The following AGMO variants were observed in gnomAD, a reference collection of about 807,000 sequenced individuals.
The protein encoded by AGMO is glyceryl-ether monooxygenase.
In AGMO, 75 loss-of-function variants were observed where a neutral mutation model predicts 60.2. That is an observed-to-expected ratio of 1.25 (90% CI 1.03 to 1.51). The LOEUF is 1.51. Among genes scored for constraint, AGMO ranks in the 40% most tolerant of loss-of-function variants. The pLI is 0.00. For missense variants in AGMO, 763 were observed against 525.5 expected (o/e 1.45, Z -4.42); for synonymous variants, 261 against 177.1 (o/e 1.47, Z -3.76).
chr7:15,451,207 A>G (rs1463470158), intron 3 of AGMO, among the ~76,000 whole-genome samples: 1 of 152,192 alleles, frequency 6.6e-6, no homozygotes, highest in Non-Finnish European at 1.5e-5. Flanking sequence ...CATATTTGTC[A>G]GTGGAAATGA....
chr7:15,291,005 A>AC (rs1784249247), intron 12 of AGMO, among the ~76,000 whole-genome samples: 4 of 152,110 alleles, frequency 2.6e-5, no homozygotes, highest in South Asian at 4.1e-4. Context: ...TCGAAAGTGC[A>AC]TTTTATTCAT....
chr7:15,427,372 A>T (rs966371302), intron 4 of AGMO, among the ~76,000 whole-genome samples: 13 of 152,134 alleles, frequency 8.5e-5, no homozygotes, highest in Non-Finnish European at 1.9e-4. Context: ...GCTTTCCCCT[A>T]TTGCTAACAC....
rs114822043 is a variant in AGMO at position 15,231,101 on chromosome 7, G to C, written c.1264-29742C>G. On this transcript the variant is annotated intron_variant, in intron 12 of 12. Coordinates refer to ENST00000342526, the MANE Select transcript of AGMO (RefSeq NM_001004320.2). The stretch of plus-strand genomic sequence containing the variant: ...AGTTCAAGTTCATTTTCAATTTAGA[G>C]CTTCATCAGAAGAGTTTTCTGGAGT... Among the ~76,000 whole-genome samples the C allele has an allele frequency of 3.0e-3, 454 of 152,232 alleles. 3 individuals carry two copies. Among genetic ancestry groups the C allele is most frequent in the African/African-American group, 0.01 (435 of 41,542 alleles).
chr7:15,343,195 T>G (rs1781921044), intron 12 of AGMO, among the ~76,000 whole-genome samples: 1 of 152,158 alleles, frequency 6.6e-6, no homozygotes, highest in Non-Finnish European at 1.5e-5. Context: ...CTCGCCACTG[T>G]AAAATGATCA....
At chr7:15,298,337 A>G (rs1784463227) in intron 12 of AGMO, among the ~76,000 whole-genome samples, 1 of 151,000 alleles carries the variant, frequency 6.6e-6, no homozygotes, top group Admixed American at 6.6e-5. Flanking sequence ...CATTCAACCA[A>G]TGTGATCAAC....
At chr7:15,553,009 A>G (rs1025119065) in intron 2 of AGMO, among the ~76,000 whole-genome samples, 132 of 152,122 alleles carry the variant, frequency 8.7e-4, no homozygotes, top group East Asian at 5.8e-3. Flanking sequence ...TGATGAGTTC[A>G]TGTCCTTTGT....
At chr7:15,296,614 C>T (rs1217085700) in intron 12 of AGMO, among the ~76,000 whole-genome samples, 3 of 152,112 alleles carry the variant, frequency 2.0e-5, no homozygotes, top group Non-Finnish European at 4.4e-5. Flanking sequence ...GTATAAATAA[C>T]ATTTGTAATA....
Position 15,202,458 on chromosome 7 carries a change from C to CAAAAAAAAAAAAAAAAAAAAAAAAAAAA in AGMO, c.1264-1127_1264-1100dup, listed in dbSNP as rs71004370. On this transcript the variant is annotated intron_variant, in intron 12 of 12. Coordinates refer to ENST00000342526, the MANE Select transcript of AGMO (RefSeq NM_001004320.2). ...CACCAACAACCAAAATACAAATGAG[C>CAAAAAAAAAAAAAAAAAAAAAAAAAAAA]AAAAAAAAAAAAAAAAAAAAAAAAA... Among the ~76,000 whole-genome samples, 29 of 45,366 alleles carry CAAAAAAAAAAAAAAAAAAAAAAAAAAAA rather than the reference C, an allele frequency of 6.4e-4. 4 individuals are homozygous for CAAAAAAAAAAAAAAAAAAAAAAAAAAAA. The highest frequency in any genetic ancestry group is 2.2e-3 in the East Asian group (2 of 914). The allele number at this position is 45,366 out of a possible 152,430, so 29.8% of individuals were successfully genotyped here. A position where few individuals can be genotyped will look rare whatever the true frequency, so the allele number is the denominator to read the frequency against.
the AGMO span, among the ~76,000 whole-genome samples, chr7:15,122,339 A>G: frequency 6.6e-6 from 1 of 152,106 alleles, no homozygotes; most frequent in Non-Finnish European, 1.5e-5. Context: ...ATGCTCATTC[A>G]TTGTTCCTGT....
chr7:15,281,094 T>G lies in AGMO; in HGVS notation c.1264-79735A>C, dbSNP rs114688193. On this transcript the variant is annotated intron_variant, in intron 12 of 12. Coordinates refer to ENST00000342526, the MANE Select transcript of AGMO (RefSeq NM_001004320.2). ...GGGGAAGGGGGAATGCAACACATCA[T>G]GGGAACACCCCATGGGACAAAAGAA... is the stretch of plus-strand genomic sequence containing the variant. 4.0e-3 allele frequency among the ~76,000 whole-genome samples: 615 copies of G among 152,158 alleles called. 2 individuals carry two copies. The highest frequency in any genetic ancestry group is 0.014 in the African/African-American group (587 of 41,496).
chr7:15,518,792 A>G (rs2196393), intron 3 of AGMO, among the ~76,000 whole-genome samples: 124,543 of 151,814 alleles, frequency 0.82, 51,390 homozygotes, highest in East Asian at 0.97. Context: ...GCCAGCAAGG[A>G]AACAAAACTG....
At chr7:15,388,206 G>A (rs1784002413) in intron 8 of AGMO, among the ~76,000 whole-genome samples, 2 of 152,128 alleles carry the variant, frequency 1.3e-5, no homozygotes, top group Admixed American at 1.3e-4. Context: ...ATGACAATAA[G>A]GAATCTGAAG....
At chr7:15,335,968 T>A (rs1781646458) in intron 12 of AGMO, among the ~76,000 whole-genome samples, 1 of 152,154 alleles carries the variant, frequency 6.6e-6, no homozygotes, top group Non-Finnish European at 1.5e-5. Flanking sequence ...ATCTCCATCA[T>A]GAGAAACACA....
intron 4 of AGMO, among the ~76,000 whole-genome samples, chr7:15,424,994 A>G (rs1374979556): frequency 1.3e-5 from 2 of 152,210 alleles, no homozygotes; most frequent in African/African-American, 4.8e-5. Flanking sequence ...AAAAGATCTG[A>G]GATTTCACTA....
At chr7:15,129,053 G>A in the AGMO span, among the ~76,000 whole-genome samples, 1 of 152,082 alleles carries the variant, frequency 6.6e-6, no homozygotes. Flanking sequence ...CATCCTATGT[G>A]ATTAGTTGGG....
At position 15,329,034 on chromosome 7, in the gene AGMO, C is replaced by T. The variant is rs546915101; in HGVS notation, c.1263+36480G>A. 9.9e-5 allele frequency among the ~76,000 whole-genome samples: 15 copies of T among 152,282 alleles called. No individual in the cohort carries two copies. In the South Asian group the frequency reaches 1.0e-3, roughly 11 times the overall value. ...GCCAAGAGTTCATAGAAAACACATACATCCTTCACTATCCTTCCTCCCCTG... is the reference window on the plus strand; with the variant it reads ...GCCAAGAGTTCATAGAAAACACATATATCCTTCACTATCCTTCCTCCCCTG... On this transcript the variant is annotated intron_variant, in intron 12 of 12. Coordinates refer to ENST00000342526, the MANE Select transcript of AGMO (RefSeq NM_001004320.2).
At chr7:15,203,176 C>A (rs1228228768) in intron 12 of AGMO, among the ~76,000 whole-genome samples, 1 of 152,060 alleles carries the variant, frequency 6.6e-6, no homozygotes, top group African/African-American at 2.4e-5. Context: ...GGAGTATTCT[C>A]ATAAATCTCA....
At chr7:15,503,232 A>G (rs1783432873) in intron 3 of AGMO, among the ~76,000 whole-genome samples, 1 of 152,068 alleles carries the variant, frequency 6.6e-6, no homozygotes, top group African/African-American at 2.4e-5. Context: ...ATGATTGTTG[A>G]ACAAAGAGCT....
intron 12 of AGMO, among the ~76,000 whole-genome samples, chr7:15,231,603 G>A (rs1173602345): frequency 6.6e-6 from 1 of 152,200 alleles, no homozygotes; most frequent in Non-Finnish European, 1.5e-5. Flanking sequence ...CATAATGAAT[G>A]ATCATAATCA....
Sources: allele counts gnomAD v4.1 joint callset (sites outside exome capture counted in the v4.1 genomes callset), GRCh38; gene constraint gnomAD v4.1.1; transcripts MANE v1.5; gene names NCBI Gene and HGNC (gene_info 2026-07-23, HGNC 2026-07-21).